Variants in IL27RA observed in about 807,000 individuals in gnomAD.
IL27RA encodes interleukin 27 receptor subunit alpha.
In IL27RA, 61 loss-of-function variants were observed where a neutral mutation model predicts 80.8. The observed-to-expected ratio is 0.76, with a 90% CI of 0.61 to 0.93. The LOEUF (loss-of-function observed/expected upper bound fraction) is 0.93, where lower values mean the gene tolerates loss of function less well. Among genes scored for constraint, IL27RA ranks in the 40% least tolerant of loss-of-function variants. The pLI is 0.00. For missense variants in IL27RA, 735 were observed against 808.1 expected, an observed-to-expected ratio of 0.91 and a Z score of 1.10; for synonymous variants, 316 against 332.5, an observed-to-expected ratio of 0.95 and a Z score of 0.54.
At chr19:14,032,047 A>G in intron 1 of IL27RA, 75 bp downstream of exon 1, 1 of 1,308,700 alleles carries the variant, frequency 7.6e-7, no homozygotes, top group Non-Finnish European at 1.1e-6. Context: ...CTCCAGGATA[A>G]GCCACGCGTA....
At chr19:14,047,362 T>TG (rs1208797688) in intron 8 of IL27RA, among the ~76,000 whole-genome samples, 1 of 149,976 alleles carries the variant, frequency 6.7e-6, no homozygotes, top group African/African-American at 2.5e-5. Context: ...ACTTTTCTTT[T>TG]TTTTTTTTTT....
chr19:14,039,530 G>C lies in IL27RA; in HGVS notation c.241G>C (p.Val81Leu). 6.2e-7 allele frequency: 1 copy of C among 1,613,850 alleles called. No individual in the cohort carries two copies. Among genetic ancestry groups the C allele is most frequent in the South Asian group, 1.1e-5 (1 of 91,024 alleles). Residue 81 changes from valine to leucine, a missense_variant, in exon 3 of 14, where the codon GTG becomes CTG. Physicochemically the swap from Val to Leu is conservative, Grantham distance 32 (BLOSUM62 1). Coordinates refer to ENST00000263379, the MANE Select transcript of IL27RA (RefSeq NM_004843.4). ...CAGCCGTTCCAACAAAACCCAGACT[G>C]TGGCAGTGGCAGCCGGACGGAGCTG... ...QKYRSNKTQT[V>L]AVAAGRSWVA...
chr19:14,040,425 C>T lies in IL27RA; in HGVS notation c.534+515C>T, dbSNP rs541195850. Among the ~76,000 whole-genome samples the T allele has an allele frequency of 1.4e-3, 209 of 151,920 alleles. 1 individual carries two copies. The highest frequency in any genetic ancestry group is 6.8e-3 in the Middle Eastern group (2 of 294). On this transcript the variant is annotated intron_variant, in intron 4 of 13. Transcript: ENST00000263379. ...ATCACCCGGTCACAGTGGCTCATTT[C>T]TAAAATCCCAGCACCTTGGGAGGCT... is the stretch of plus-strand genomic sequence containing the variant.
intron 9 of IL27RA, 21 bp downstream of exon 9, chr19:14,049,103 T>G: frequency 6.2e-7 from 1 of 1,612,458 alleles, no homozygotes; most frequent in Non-Finnish European, 8.5e-7. Context: ...GGCTGGAGGA[T>G]GGGGGGGCTT....
intron 1 of IL27RA, 77 bp downstream of exon 1, chr19:14,032,049 C>A: frequency 7.8e-7 from 1 of 1,286,642 alleles, no homozygotes. Flanking sequence ...CCAGGATAAG[C>A]CACGCGTATG....
At chr19:14,038,182 C>A (rs1173568953) in intron 2 of IL27RA, among the ~76,000 whole-genome samples, 1 of 150,486 alleles carries the variant, frequency 6.6e-6, no homozygotes. Flanking sequence ...GAGACAGGGT[C>A]TTATCCTGTC....
intron 2 of IL27RA, among the ~76,000 whole-genome samples, chr19:14,038,567 TAAAAA>T (rs34678070): frequency 2.0e-5 from 2 of 101,030 alleles, no homozygotes; most frequent in Admixed American, 1.1e-4. Context: ...GTCGTGTCTC[TAAAAA>T]AAAAAAAAAA....
intron 8 of IL27RA, among the ~76,000 whole-genome samples, chr19:14,048,636 A>G (rs1331881629): frequency 1.3e-5 from 2 of 152,154 alleles, no homozygotes; most frequent in African/African-American, 4.8e-5. Flanking sequence ...AATATTGAGA[A>G]GAGCCCTCAG....
At chr19:14,046,037 AAAC>A in intron 6 of IL27RA, 114 bp from the exon 7 acceptor site, 1 of 1,042,036 alleles carries the variant, frequency 9.6e-7, no homozygotes, top group Non-Finnish European at 1.4e-6. Flanking sequence ...AAAAACAAAC[AAAC>A]AAACAAACAA....
rs112158381 is a variant in IL27RA at position 14,041,028 on chromosome 19, C to A, written c.534+1118C>A. Among the ~76,000 whole-genome samples, 3 of 151,582 alleles carry A rather than the reference C, an allele frequency of 2.0e-5. No homozygotes were observed. In the East Asian group the frequency reaches 5.9e-4, roughly 30 times the overall value. ...AAGCGATTCTCCTGCCTCAGCCTCC[C>A]GAGTAGCTGGGATTACAGGCATGTG... is the stretch of plus-strand genomic sequence containing the variant. On this transcript the variant is annotated intron_variant, in intron 4 of 13. Coordinates refer to ENST00000263379, the MANE Select transcript of IL27RA (RefSeq NM_004843.4).
intron 8 of IL27RA, among the ~76,000 whole-genome samples, chr19:14,048,048 C>T (rs1976097087): frequency 6.6e-6 from 1 of 151,382 alleles, no homozygotes; most frequent in Non-Finnish European, 1.5e-5. Flanking sequence ...GCGTCGACCT[C>T]CATGGCTCAA....
chr19:14,032,370 C>T lies in IL27RA; in HGVS notation c.101-16C>T, dbSNP rs780361494. 15 of 1,603,188 alleles carry T rather than the reference C, an allele frequency of 9.4e-6. No homozygotes were observed. The South Asian group carries it at 1.5e-4, about 16-fold the overall frequency. Reference sequence around the variant, plus strand: ...ATTCGACCCCCTTTCCTGAGACCCTCTGACTCCCTCTCCAGGCAGCGCCGG... The same window carrying T: ...ATTCGACCCCCTTTCCTGAGACCCTTTGACTCCCTCTCCAGGCAGCGCCGG... On this transcript the variant is annotated splice_polypyrimidine_tract_variant and intron_variant, in intron 1 of 13. Coordinates refer to ENST00000263379, the MANE Select transcript of IL27RA (RefSeq NM_004843.4).
intron 2 of IL27RA, among the ~76,000 whole-genome samples, chr19:14,036,389 C>T (rs1029987352): frequency 7.9e-5 from 12 of 151,872 alleles, no homozygotes; most frequent in Admixed American, 4.0e-4. Flanking sequence ...TTAGATTCCA[C>T]GTATCAATGA....
intron 8 of IL27RA, among the ~76,000 whole-genome samples, chr19:14,047,661 T>TG (rs1976089244): frequency 6.9e-6 from 1 of 144,500 alleles, no homozygotes; most frequent in Non-Finnish European, 1.5e-5. Context: ...CTGGCCCTTT[T>TG]TTTTTTTTTT....
At chr19:14,032,556 GC>G in intron 2 of IL27RA, 53 bp downstream of exon 2, 1 of 1,139,944 alleles carries the variant, frequency 8.8e-7, no homozygotes, top group Non-Finnish European at 1.3e-6. Context: ...GGCCGCTCAG[GC>G]CCCAGGCTGC....
intron 4 of IL27RA, among the ~76,000 whole-genome samples, chr19:14,040,357 G>A (rs572499855): frequency 6.8e-5 from 10 of 147,492 alleles, no homozygotes; most frequent in Non-Finnish European, 1.5e-4. Flanking sequence ...GTGAGACTCA[G>A]TCTCAAAAAA....
intron 13 of IL27RA, 24 bp from the exon 14 acceptor site, chr19:14,052,072 G>C (rs768414987): frequency 1.2e-6 from 2 of 1,608,506 alleles, no homozygotes; most frequent in East Asian, 4.5e-5. Context: ...GCTGGGGCAG[G>C]ATTACAGGCT....
intron 2 of IL27RA, among the ~76,000 whole-genome samples, chr19:14,033,109 T>C (rs1265518778): frequency 1.3e-5 from 2 of 149,682 alleles, no homozygotes; most frequent in Non-Finnish European, 3.0e-5. Context: ...TTTTTTTTTT[T>C]TTTTGAAACG....
chr19:14,032,634 C>CAAAAAAAAAAA (rs766574764), intron 2 of IL27RA, 131 bp downstream of exon 2: 30 of 93,528 alleles, frequency 3.2e-4, no homozygotes, highest in South Asian at 1.3e-3. Context: ...ACTAAAAATA[C>CAAAAAAAAAAA]AAAAAAAAAA....
Sources: gnomAD v4.1 joint callset for allele counts (sites outside exome capture counted in the v4.1 genomes callset) on GRCh38, gnomAD v4.1.1 for gene constraint, MANE v1.5 for transcripts, NCBI Gene and HGNC (gene_info 2026-07-23, HGNC 2026-07-21) for gene names.